Variants in NEGR1 observed in about 807,000 individuals in gnomAD.
NEGR1 encodes the protein neuronal growth regulator 1, also known as IgLON family member 4.
In NEGR1, 10 loss-of-function variants were observed where a neutral mutation model predicts 40.9. That is an observed-to-expected ratio of 0.24 (90% CI 0.15 to 0.42). The LOEUF is 0.42. NEGR1 is among the 10% of genes least tolerant of loss of function. The probability of loss-of-function intolerance (pLI) is 1.00; values close to 1 mark genes in which losing one functional copy is unlikely to be tolerated. For synonymous variants in NEGR1, 185 were observed against 166.8 expected, an observed-to-expected ratio of 1.11 and a Z score of -0.84; for missense variants, 352 against 438.9, an observed-to-expected ratio of 0.80 and a Z score of 1.77.
chr1:72,205,744 A>G (rs1653371209), intron 1 of NEGR1, among the ~76,000 whole-genome samples: 1 of 124,962 alleles, frequency 8.0e-6, no homozygotes, highest in Non-Finnish European at 1.7e-5. Flanking sequence ...AAATGGCAAA[A>G]CCCCATTTCT....
chr1:72,023,395 C>T (rs1646778097), intron 1 of NEGR1, among the ~76,000 whole-genome samples: 1 of 151,630 alleles, frequency 6.6e-6, no homozygotes, highest in African/African-American at 2.4e-5. Flanking sequence ...ACAGTTTCTC[C>T]CCACACCTAT....
At chr1:72,104,443 T>C (rs1357162450) in intron 1 of NEGR1, among the ~76,000 whole-genome samples, 1 of 152,062 alleles carries the variant, frequency 6.6e-6, no homozygotes, top group Non-Finnish European at 1.5e-5. Flanking sequence ...CCAAAAAACA[T>C]GGAAAGCCTT....
chr1:71,932,110 GAA>G (rs1273419009), intron 2 of NEGR1, among the ~76,000 whole-genome samples: 1 of 151,914 alleles, frequency 6.6e-6, no homozygotes, highest in Non-Finnish European at 1.5e-5. Context: ...ATTGGATAAA[GAA>G]AAAATATAAA....
At chr1:71,674,766 T>C (rs1365481505) in intron 4 of NEGR1, among the ~76,000 whole-genome samples, 1 of 152,162 alleles carries the variant, frequency 6.6e-6, no homozygotes, top group Non-Finnish European at 1.5e-5. Context: ...CACTCAGATG[T>C]AACCTTATCA....
chr1:71,988,504 A>T (rs930035343), intron 1 of NEGR1, among the ~76,000 whole-genome samples: 2 of 135,140 alleles, frequency 1.5e-5, no homozygotes, highest in South Asian at 2.6e-4. Context: ...GCGCCACTGC[A>T]GTCCGCAGTC....
At chr1:72,066,974 C>A (rs567969415) in intron 1 of NEGR1, among the ~76,000 whole-genome samples, 122 of 152,028 alleles carry the variant, frequency 8.0e-4, no homozygotes, top group Non-Finnish European at 1.5e-3. Context: ...AGTGCCCATT[C>A]ATTTTTTTTG....
chr1:71,602,426 T>A (rs562820964), intron 5 of NEGR1, among the ~76,000 whole-genome samples: 1 of 142,156 alleles, frequency 7.0e-6, no homozygotes, highest in African/African-American at 2.7e-5. Context: ...TAATTTTTTG[T>A]ATTTTTAGTA....
Position 71,396,305 on chromosome 1 carries a change from G to C in NEGR1, c.*11141C>G, listed in dbSNP as rs1490901314. The C allele has an allele frequency of 6.6e-6, 1 of 152,052 alleles. No homozygotes were observed. The highest frequency in any genetic ancestry group is 1.5e-5 in the Non-Finnish European group (1 of 68,020). The allele number at this position is 152,052 out of a possible 1,614,324, so 9.4% of individuals were successfully genotyped here. A position where few individuals can be genotyped will look rare whatever the true frequency, so the allele number is the denominator to read the frequency against. On this transcript the variant is annotated 3_prime_UTR_variant, in exon 7 of 7. Transcript: ENST00000357731. ...TAAACATCCAGATTAACTCTACCAGGTAATTCTTTTTAGACAGCTCTTCAG... is the reference window on the plus strand; with the variant it reads ...TAAACATCCAGATTAACTCTACCAGCTAATTCTTTTTAGACAGCTCTTCAG...
intron 2 of NEGR1, among the ~76,000 whole-genome samples, chr1:71,853,806 T>C (rs1372671551): frequency 6.6e-6 from 1 of 152,188 alleles, no homozygotes. Flanking sequence ...GTTGTGCTGT[T>C]ATTTGGACAG....
chr1:71,572,764 T>C (rs1648847289), intron 6 of NEGR1, among the ~76,000 whole-genome samples: 1 of 152,244 alleles, frequency 6.6e-6, no homozygotes, highest in Non-Finnish European at 1.5e-5. Flanking sequence ...AAATGCCTGA[T>C]TTCACATATC....
intron 1 of NEGR1, among the ~76,000 whole-genome samples, chr1:72,032,589 T>C (rs779860757): frequency 6.6e-6 from 1 of 152,192 alleles, no homozygotes; most frequent in Non-Finnish European, 1.5e-5. Flanking sequence ...CTTCAGTTTA[T>C]TCACACTCAA....
chr1:71,851,698 T>C (rs1458994200), intron 2 of NEGR1, among the ~76,000 whole-genome samples: 1 of 152,108 alleles, frequency 6.6e-6, no homozygotes, highest in Non-Finnish European at 1.5e-5. Flanking sequence ...AAGAGAATCA[T>C]TACAGAAACT....
chr1:71,482,854 T>C (rs572155515), intron 6 of NEGR1, among the ~76,000 whole-genome samples: 44 of 151,986 alleles, frequency 2.9e-4, no homozygotes, highest in African/African-American at 1.0e-3. Flanking sequence ...TATTAGGTGC[T>C]GGGGACAAAG....
At chr1:72,230,643 T>C (rs866680674) in intron 1 of NEGR1, among the ~76,000 whole-genome samples, 2 of 152,066 alleles carry the variant, frequency 1.3e-5, no homozygotes. Context: ...ATAACCAAAG[T>C]ACACTCTGAA....
intron 1 of NEGR1, among the ~76,000 whole-genome samples, chr1:72,046,410 G>T (rs1271037253): frequency 6.6e-6 from 1 of 151,418 alleles, no homozygotes; most frequent in Non-Finnish European, 1.5e-5. Context: ...AATAAAATTG[G>T]CTCCAGAGAG....
intron 1 of NEGR1, among the ~76,000 whole-genome samples, chr1:72,160,045 T>C (rs182673656): frequency 6.6e-6 from 1 of 152,300 alleles, no homozygotes; most frequent in Admixed American, 6.5e-5. Flanking sequence ...TTGATAACTA[T>C]TGGGTTTTTA....
At chr1:71,618,765 A>T (rs535055839) in intron 4 of NEGR1, among the ~76,000 whole-genome samples, 13 of 152,168 alleles carry the variant, frequency 8.5e-5, no homozygotes, top group Admixed American at 8.5e-4. Flanking sequence ...CTTCCAAAAA[A>T]CCGGTCCCTG....
chr1:71,604,668 G>C (rs1203390007), intron 5 of NEGR1, among the ~76,000 whole-genome samples: 6 of 152,116 alleles, frequency 3.9e-5, no homozygotes, highest in African/African-American at 1.4e-4. Context: ...ATGCCTCTAT[G>C]TAAAGTGAAC....
chr1:71,498,984 GAA>G (rs1219659247), intron 6 of NEGR1, among the ~76,000 whole-genome samples: 1 of 152,154 alleles, frequency 6.6e-6, no homozygotes, highest in African/African-American at 2.4e-5. Flanking sequence ...CTACCAGTGA[GAA>G]ATCCTCTGCT....
Sources: gnomAD v4.1 joint callset for allele counts (sites outside exome capture counted in the v4.1 genomes callset) on GRCh38, gnomAD v4.1.1 for gene constraint, MANE v1.5 for transcripts, NCBI Gene and HGNC (gene_info 2026-07-23, HGNC 2026-07-21) for gene names.